Variants in IMMT observed in about 807,000 individuals in gnomAD.
IMMT encodes the protein inner membrane mitochondrial protein.
IMMT carries 40 observed loss-of-function variants against 92.7 expected under a neutral mutation model. The observed-to-expected ratio is 0.43, with a 90% CI of 0.34 to 0.56. The LOEUF (loss-of-function observed/expected upper bound fraction) is 0.56. Among genes scored for constraint, IMMT ranks in the 20% least tolerant of loss-of-function variants. IMMT has a pLI of 0.03. For synonymous variants in IMMT, 322 were observed against 336.1 expected, an observed-to-expected ratio of 0.96 and a Z score of 0.46; for missense variants, 831 against 912.1, an observed-to-expected ratio of 0.91 and a Z score of 1.14.
intron 10 of IMMT, among the ~76,000 whole-genome samples, chr2:86,157,903 G>A (rs948477996): frequency 1.1e-4 from 17 of 151,464 alleles, no homozygotes; most frequent in African/African-American, 3.2e-4. Context: ...GCTTCAACCC[G>A]GGAGGTGGAG....
intron 10 of IMMT, among the ~76,000 whole-genome samples, chr2:86,153,897 C>T (rs1675663054): frequency 6.6e-6 from 1 of 152,198 alleles, no homozygotes; most frequent in Non-Finnish European, 1.5e-5. Flanking sequence ...GAGCCTTCCT[C>T]TGTTGCCTAG....
At chr2:86,194,765 G>A (rs1188985808) in intron 1 of IMMT, among the ~76,000 whole-genome samples, 1 of 152,156 alleles carries the variant, frequency 6.6e-6, no homozygotes, top group Non-Finnish European at 1.5e-5. Context: ...TTTCCTTGAA[G>A]ACCAGGAGTT....
At position 86,144,478 on chromosome 2, in the gene IMMT, T is replaced by C; in HGVS notation, c.2067A>G (p.Lys689=). 2 of 1,614,000 alleles carry C rather than the reference T, an allele frequency of 1.2e-6. No homozygotes were observed. Among genetic ancestry groups the C allele is most frequent in the Non-Finnish European group, 1.7e-6 (2 of 1,179,892 alleles). ...ELCPEDINTF[K]LLSYASYCIE... is the part of the protein sequence containing the mutation. ...TGCAATAGGAAGCATATGACAGTAA[T>C]TTAAATGTGTTTATATCCTCAGGGC... Residue 689 remains lysine (K), a synonymous_variant, in exon 15 of 15, where the codon AAA becomes AAG. Transcript: ENST00000410111.
chr2:86,148,328 G>T (rs1038277907), intron 12 of IMMT, among the ~76,000 whole-genome samples: 2 of 152,182 alleles, frequency 1.3e-5, no homozygotes, highest in African/African-American at 4.8e-5. Context: ...AAATTAGTTG[G>T]CCGGGCGTGG....
At chr2:86,172,028 C>T (rs1364864322) in intron 4 of IMMT, among the ~76,000 whole-genome samples, 1 of 145,282 alleles carries the variant, frequency 6.9e-6, no homozygotes, top group Non-Finnish European at 1.5e-5. Context: ...AATAGTGGCA[C>T]TATCATGGCT....
chr2:86,150,192 CA>C (rs1203102066), intron 12 of IMMT, among the ~76,000 whole-genome samples: 1 of 152,144 alleles, frequency 6.6e-6, no homozygotes, highest in Non-Finnish European at 1.5e-5. Context: ...TACTGAAAAT[CA>C]AGCTGGAGAT....
In IMMT at chr2:86,177,543, G is replaced by A. The variant is rs149562766; in HGVS notation, c.309+1890C>T. ...CAGAACCCAGGAGGCAGAAGTTGCA[G>A]TGATCCGAGATCGCGCCACTGCAGT... is the stretch of plus-strand genomic sequence containing the variant. On this transcript the variant is annotated intron_variant, in intron 3 of 14. Transcript: ENST00000410111. Among the ~76,000 whole-genome samples the A allele has an allele frequency of 1.4e-4, 21 of 152,110 alleles. No homozygotes were observed. The East Asian group carries it at 3.5e-3, about 25-fold the overall frequency.
chr2:86,192,255 T>C (rs1206545984), intron 1 of IMMT, among the ~76,000 whole-genome samples: 1 of 152,084 alleles, frequency 6.6e-6, no homozygotes, highest in Non-Finnish European at 1.5e-5. Flanking sequence ...CACACCCTTA[T>C]TGTTTCTGTT....
At chr2:86,148,218 A>G (rs1675181270) in intron 12 of IMMT, among the ~76,000 whole-genome samples, 1 of 152,252 alleles carries the variant, frequency 6.6e-6, no homozygotes, top group African/African-American at 2.4e-5. Context: ...GCGTAGCTTT[A>G]CTACAACCAT....
chr2:86,144,056 T>C lies in IMMT; in HGVS notation c.*212A>G. 1.6e-6 allele frequency: 1 copy of C among 610,060 alleles called. No homozygotes were observed. Among genetic ancestry groups the C allele is most frequent in the East Asian group, 2.8e-5 (1 of 35,424 alleles). 37.8% of individuals were successfully genotyped at this position (610,060 alleles called of 1,614,324 possible). ...CAGTAAAACCTGAAAAAACAGAAAA[T>C]GTTACACAAGTTGCAAAGAAAGCAC... On this transcript the variant is annotated 3_prime_UTR_variant, in exon 15 of 15. Transcript: ENST00000410111.
Position 86,148,229 on chromosome 2 carries a change from C to G in IMMT, c.1402-396G>C, listed in dbSNP as rs72936335. On this transcript the variant is annotated intron_variant, in intron 12 of 14. Coordinates refer to ENST00000410111, the MANE Select transcript of IMMT (RefSeq NM_006839.3). Reference sequence around the variant, plus strand: ...TCAAGCGTAGCTTTACTACAACCATCTGTGTGACCTTGGGGAAATGATTTA... The same window carrying G: ...TCAAGCGTAGCTTTACTACAACCATGTGTGTGACCTTGGGGAAATGATTTA... 5.2e-3 allele frequency among the ~76,000 whole-genome samples: 791 copies of G among 152,336 alleles called. 7 individuals carry two copies. Among genetic ancestry groups the G allele is most frequent in the African/African-American group, 0.017 (721 of 41,578 alleles).
chr2:86,151,393 C>T lies in IMMT; in HGVS notation c.1305G>A (p.Glu435=). The change falls in exon 12 of 15, where the codon GAG becomes GAA. Residue 435 remains glutamate (E), a synonymous_variant. Coordinates refer to ENST00000410111, the MANE Select transcript of IMMT (RefSeq NM_006839.3). The part of the protein sequence containing the change: ...TEKQHITLAL[E]KQKLEEKRAF... Reference sequence around the variant, plus strand: ...CCCGCTTTTCTTCCAGCTTTTGTTTCTCCAAGGCTAACGTGATGTGCTGCT... The same window carrying T: ...CCCGCTTTTCTTCCAGCTTTTGTTTTTCCAAGGCTAACGTGATGTGCTGCT... 3 of 1,614,018 alleles carry T rather than the reference C, an allele frequency of 1.9e-6. No individual in the cohort carries two copies. Among genetic ancestry groups the T allele is most frequent in the Non-Finnish European group, 2.5e-6 (3 of 1,179,902 alleles).
intron 1 of IMMT, among the ~76,000 whole-genome samples, chr2:86,189,673 T>C (rs1672999006): frequency 6.6e-6 from 1 of 152,186 alleles, no homozygotes. Flanking sequence ...GATAACGTTT[T>C]TGTGGATCTT....
rs1270008325 is a variant in IMMT, at chr2:86,171,277, G to C, written c.490C>G (p.Gln164Glu). 6.2e-7 allele frequency: 1 copy of C among 1,609,422 alleles called. No individual in the cohort carries two copies. ...TCAGTTTTTAAAGATTCCTCAGGCT[G>C]AACTGCAGGGGCTGGGACCGACAGG... ...DTLSVPAPAV[Q>E]PEESLKTDHP... is the part of the protein sequence containing the mutation. The change falls in exon 5 of 15, where the codon CAG becomes GAG. Residue 164 changes from glutamine (Q) to glutamate (E), a missense_variant. Transcript: ENST00000410111.
intron 1 of IMMT, among the ~76,000 whole-genome samples, chr2:86,189,506 C>T (rs1031421031): frequency 6.6e-6 from 1 of 152,128 alleles, no homozygotes; most frequent in African/African-American, 2.4e-5. Context: ...TTACACAGAC[C>T]ATCTGTTCCT....
At chr2:86,157,843 T>C (rs966392107) in intron 10 of IMMT, among the ~76,000 whole-genome samples, 1 of 148,806 alleles carries the variant, frequency 6.7e-6, no homozygotes, top group Non-Finnish European at 1.5e-5. Context: ...CCTGGTGTGG[T>C]GTCGCATGCT....
chr2:86,194,519 G>C (rs995973865), intron 1 of IMMT, among the ~76,000 whole-genome samples: 4 of 152,172 alleles, frequency 2.6e-5, no homozygotes, highest in Admixed American at 6.5e-5. Context: ...ATTACTGCTT[G>C]AGTCACAGTA....
At chr2:86,166,755 A>G in intron 6 of IMMT, 111 bp from the exon 7 acceptor site, 1 of 1,066,282 alleles carries the variant, frequency 9.4e-7, no homozygotes, top group Non-Finnish European at 1.3e-6. Flanking sequence ...AAAATTTAAA[A>G]AGGAACAAAA....
chr2:86,182,732 A>G (rs1383445235), intron 1 of IMMT, among the ~76,000 whole-genome samples: 1 of 147,988 alleles, frequency 6.8e-6, no homozygotes, highest in Non-Finnish European at 1.5e-5. Flanking sequence ...ATAGTCCCAG[A>G]TACTTGGGAG....
Sources: allele counts gnomAD v4.1 joint callset (sites outside exome capture counted in the v4.1 genomes callset), GRCh38; gene constraint gnomAD v4.1.1; transcripts MANE v1.5; gene names NCBI Gene and HGNC (gene_info 2026-07-23, HGNC 2026-07-21).